ACOX1: variants seen among roughly 807,000 people sequenced by gnomAD.
ACOX1 encodes the protein peroxisomal acyl-coenzyme A oxidase 1.
ACOX1 carries 41 observed loss-of-function variants against 75.5 expected under a neutral mutation model. That is an observed-to-expected ratio of 0.54 (90% CI 0.42 to 0.70). The LOEUF (loss-of-function observed/expected upper bound fraction) is 0.70, where lower values mean the gene tolerates loss of function less well. Ranked by LOEUF, ACOX1 falls within the 30% of genes least tolerant of loss-of-function variation. ACOX1 has a pLI of 0.00. For missense variants in ACOX1, 630 were observed against 837.5 expected (o/e 0.75, Z 3.06); for synonymous variants, 303 against 298.8 (o/e 1.01, Z -0.15).
At chr17:75,955,127 C>T (rs2065811826) in intron 6 of ACOX1, among the ~76,000 whole-genome samples, 1 of 151,692 alleles carries the variant, frequency 6.6e-6, no homozygotes, top group Non-Finnish European at 1.5e-5. Context: ...CTCAGCCTCC[C>T]AAAAGTGCTG....
At position 75,956,905 on chromosome 17, in the gene ACOX1, GCT is replaced by G. The variant is rs1395645317; in HGVS notation, c.538+552_538+553del. 2.0e-4 allele frequency among the ~76,000 whole-genome samples: 13 copies of G among 66,158 alleles called. No individual in the cohort carries two copies. In the East Asian group the frequency reaches 4.3e-3, roughly 22 times the overall value. The allele number at this position is 66,158 out of a possible 152,430, so 43.4% of individuals were successfully genotyped here. A position where few individuals can be genotyped will look rare whatever the true frequency, so the allele number is the denominator to read the frequency against. Reference sequence around the variant, plus strand: ...CTATAGGTATGTGCCGCTATGCCTGGCTTTCCTCTCTCTCTCTCTCTCTCTCT... The same window carrying G: ...CTATAGGTATGTGCCGCTATGCCTGGTTCCTCTCTCTCTCTCTCTCTCTCT... On this transcript the variant is annotated intron_variant, in intron 4 of 13. Coordinates refer to ENST00000293217, the MANE Select transcript of ACOX1 (RefSeq NM_004035.7).
Position 75,953,588 on chromosome 17 carries a change from C to T in ACOX1, c.807G>A (p.Leu269=), listed in dbSNP as rs760535246. 2.5e-6 allele frequency: 4 copies of T among 1,614,162 alleles called. No individual in the cohort carries two copies. The East Asian group carries it at 8.9e-5, about 36-fold the overall frequency. The part of the protein sequence containing the change: ...VKPDGTYVKP[L]SNKLTYGTMV... Reference sequence around the variant, plus strand: ...TGGTCCCGTAAGTCAGCTTGTTACTCAGCGGTTTCACGTATGTGCCATCAG... The same window carrying T: ...TGGTCCCGTAAGTCAGCTTGTTACTTAGCGGTTTCACGTATGTGCCATCAG... Residue 269 remains leucine (L), a synonymous_variant, in exon 7 of 14, where the codon CTG becomes CTA. Coordinates refer to ENST00000293217, the MANE Select transcript of ACOX1 (RefSeq NM_004035.7).
chr17:75,949,410 C>A (rs775003700), intron 11 of ACOX1, 50 bp from the exon 12 acceptor site: 1 of 1,612,972 alleles, frequency 6.2e-7, no homozygotes, highest in African/African-American at 1.3e-5. Flanking sequence ...GAAAAAGATT[C>A]AATATACAGT....
chr17:75,944,672 T>G lies in ACOX1; in HGVS notation c.*2076A>C, dbSNP rs996575565. On this transcript the variant is annotated 3_prime_UTR_variant, in exon 14 of 14. Transcript: ENST00000293217. The stretch of plus-strand genomic sequence containing the variant: ...TCAGTGACGTTTACTCTATCTTTAT[T>G]CTTGATTATATTGAATAAAGTTCAA... The G allele has an allele frequency of 4.6e-5, 7 of 152,234 alleles. No individual in the cohort carries two copies. The highest frequency in any genetic ancestry group is 1.4e-4 in the African/African-American group (6 of 41,470). The allele number at this position is 152,234 out of a possible 1,614,324, so 9.4% of individuals were successfully genotyped here. A position where few individuals can be genotyped will look rare whatever the true frequency, so the allele number is the denominator to read the frequency against.
At chr17:75,966,059 G>A (rs569368990) in intron 2 of ACOX1, among the ~76,000 whole-genome samples, 30 of 152,182 alleles carry the variant, frequency 2.0e-4, no homozygotes, top group African/African-American at 6.7e-4. Context: ...GAACCTGGGA[G>A]GCAGAGGTTG....
intron 3 of ACOX1, among the ~76,000 whole-genome samples, chr17:75,958,229 T>A (rs1243266880): frequency 6.7e-6 from 1 of 149,786 alleles, no homozygotes; most frequent in Non-Finnish European, 1.5e-5. Context: ...GGCATGCGCC[T>A]GTAGTCCCAG....
rs1432964676 is a variant in ACOX1 at position 75,979,121 on chromosome 17, G to A, written c.-48C>T. Reference sequence around the variant, plus strand: ...AGTAAGCACCGACCGAGGTGGCAGTGACAATCTAAATCCGCAGCTCCAGCG... The same window carrying A: ...AGTAAGCACCGACCGAGGTGGCAGTAACAATCTAAATCCGCAGCTCCAGCG... On this transcript the variant is annotated 5_prime_UTR_variant, in exon 1 of 14. Transcript: ENST00000293217. 6.2e-7 allele frequency: 1 copy of A among 1,603,802 alleles called. No homozygotes were observed. Among genetic ancestry groups the A allele is most frequent in the Non-Finnish European group, 8.5e-7 (1 of 1,179,348 alleles).
At chr17:75,949,084 G>C in intron 12 of ACOX1, 133 bp downstream of exon 12, 1 of 1,020,578 alleles carries the variant, frequency 9.8e-7, no homozygotes. Flanking sequence ...TTGAACTCCT[G>C]ACCTCAAGTG....
chr17:75,979,146 G>GC lies in ACOX1; in HGVS notation c.-74dup, dbSNP rs200824937. 1,263 of 1,576,266 alleles carry GC rather than the reference G, an allele frequency of 8.0e-4. 12 individuals are homozygous for GC. In the African/African-American group the frequency reaches 0.015, roughly 19 times the overall value. On this transcript the variant is annotated 5_prime_UTR_variant, in exon 1 of 14. Coordinates refer to ENST00000293217, the MANE Select transcript of ACOX1 (RefSeq NM_004035.7). Reference sequence around the variant, plus strand: ...GACAATCTAAATCCGCAGCTCCAGCGCCGGCCGGACCCTAGGAGGCAGCCT... The same window carrying GC: ...GACAATCTAAATCCGCAGCTCCAGCGCCCGGCCGGACCCTAGGAGGCAGCCT...
In ACOX1 at chr17:75,945,006, A is replaced by T. The variant is rs1885240863; in HGVS notation, c.*1742T>A. ...GGTGATCCACCCGCTTCGGCCTCCC[A>T]AAGTGCTTGGATTACAGGCGTGAGC... On this transcript the variant is annotated 3_prime_UTR_variant, in exon 14 of 14. Coordinates refer to ENST00000293217, the MANE Select transcript of ACOX1 (RefSeq NM_004035.7). 1 of 152,152 alleles carries T rather than the reference A, an allele frequency of 6.6e-6. No homozygotes were observed. Among genetic ancestry groups the T allele is most frequent in the Non-Finnish European group, 1.5e-5 (1 of 68,048 alleles). 9.4% of individuals were successfully genotyped at this position (152,152 alleles called of 1,614,324 possible).
At chr17:75,968,750 C>A (rs1255720653) in intron 2 of ACOX1, among the ~76,000 whole-genome samples, 1 of 151,462 alleles carries the variant, frequency 6.6e-6, no homozygotes. Context: ...TGGAGAAACC[C>A]CGTCTCTACT....
intron 2 of ACOX1, among the ~76,000 whole-genome samples, chr17:75,968,236 A>C (rs2065957400): frequency 6.7e-6 from 1 of 148,602 alleles, no homozygotes; most frequent in African/African-American, 2.5e-5. Flanking sequence ...GGAGATCGAG[A>C]CCATCCTGGC....
rs543054918 is a variant in ACOX1 at position 75,959,124 on chromosome 17, G to A, written c.430+1091C>T. Among the ~76,000 whole-genome samples the A allele has an allele frequency of 3.9e-5, 6 of 152,232 alleles. No individual in the cohort carries two copies. The South Asian group carries it at 1.2e-3, about 32-fold the overall frequency. The stretch of plus-strand genomic sequence containing the variant: ...AAATACTGTACTAAAGCAAACGTTG[G>A]GAACCTTTTACCAATCTGCTTTCAT... On this transcript the variant is annotated intron_variant, in intron 3 of 13. Transcript: ENST00000293217.
chr17:75,952,181 A>G (rs1334603545), intron 7 of ACOX1, among the ~76,000 whole-genome samples: 2 of 152,202 alleles, frequency 1.3e-5, no homozygotes, highest in Non-Finnish European at 2.9e-5. Flanking sequence ...GGCTGAATAC[A>G]TTGTATTTTG....
rs2065836489 is a variant in ACOX1, at chr17:75,956,967, CTCTCTATATATATATATATATATATA to C, written c.538+466_538+491del. On this transcript the variant is annotated intron_variant, in intron 4 of 13. Coordinates refer to ENST00000293217, the MANE Select transcript of ACOX1 (RefSeq NM_004035.7). ...TCTCTCTCTCTCTCTCTCTCTCTCTCTCTCTATATATATATATATATATATATATATATATATATATACACACACAC... is the reference window on the plus strand; with the variant it reads ...TCTCTCTCTCTCTCTCTCTCTCTCTCTATATATATATATATACACACACAC... Among the ~76,000 whole-genome samples the C allele has an allele frequency of 2.4e-3, 27 of 11,052 alleles. 1 individual carries two copies. The highest frequency in any genetic ancestry group is 0.012 in the East Asian group (5 of 404). 7.3% of individuals were successfully genotyped at this position (11,052 alleles called of 152,430 possible).
At chr17:75,962,844 C>A (rs945824091) in intron 2 of ACOX1, among the ~76,000 whole-genome samples, 5 of 152,052 alleles carry the variant, frequency 3.3e-5, no homozygotes, top group Non-Finnish European at 7.4e-5. Context: ...GAGTAACAGA[C>A]ACAGGGGCCA....
At chr17:75,947,679 A>G (rs2065734049) in intron 13 of ACOX1, among the ~76,000 whole-genome samples, 1 of 139,116 alleles carries the variant, frequency 7.2e-6, no homozygotes, top group African/African-American at 2.8e-5. Context: ...TGTATATTTT[A>G]TTCTATTTGT....
chr17:75,978,795 G>A lies in ACOX1; in HGVS notation c.110-102C>T. The A allele has an allele frequency of 1.2e-6, 2 of 1,606,520 alleles. No individual in the cohort carries two copies. Among genetic ancestry groups the A allele is most frequent in the South Asian group, 1.1e-5 (1 of 90,618 alleles). Reference sequence around the variant, plus strand: ...GCTTCAGAGTCGCGGACACACCTGGGGAATGGCGATATCCCCCCACCAGGG... The same window carrying A: ...GCTTCAGAGTCGCGGACACACCTGGAGAATGGCGATATCCCCCCACCAGGG... On this transcript the variant is annotated intron_variant, in intron 1 of 13. Transcript: ENST00000293217. The surrounding 1 kb of genome is among the most constrained non-coding windows in gnomAD (Gnocchi z 4.2).
intron 3 of ACOX1, among the ~76,000 whole-genome samples, chr17:75,958,573 C>G (rs2065856753): frequency 6.6e-6 from 1 of 151,210 alleles, no homozygotes; most frequent in Non-Finnish European, 1.5e-5. Context: ...CTTTGGGGGG[C>G]CAAGGCGGGC....
Sources: allele counts gnomAD v4.1 joint callset (sites outside exome capture counted in the v4.1 genomes callset), GRCh38; gene constraint gnomAD v4.1.1; non-coding constraint Gnocchi (gnomAD v3.1); transcripts MANE v1.5; gene names NCBI Gene and HGNC (gene_info 2026-07-23, HGNC 2026-07-21).